BLK: variants seen among roughly 807,000 people sequenced by gnomAD.
BLK encodes the protein tyrosine-protein kinase Blk.
In BLK, 64 loss-of-function variants were observed where a neutral mutation model predicts 61.8. That is an observed-to-expected ratio of 1.03 (90% confidence interval 0.85 to 1.27). The LOEUF (loss-of-function observed/expected upper bound fraction) is 1.27, where lower values mean the gene tolerates loss of function less well. BLK is among the 50% of genes most tolerant of loss of function. The pLI is 0.00. For synonymous variants in BLK, 351 were observed against 272.0 expected (o/e 1.29, Z -2.86); for missense variants, 853 against 660.5 (o/e 1.29, Z -3.19).
intron 1 of BLK, among the ~76,000 whole-genome samples, chr8:11,526,270 G>A (rs911027911): frequency 6.6e-6 from 1 of 152,128 alleles, no homozygotes; most frequent in African/African-American, 2.4e-5. Context: ...CCTAGTGATT[G>A]GCTTTATGAC....
At position 11,557,993 on chromosome 8, in the gene BLK, A is replaced by C. The variant is rs372577820; in HGVS notation, c.984A>C (p.Glu328Asp). Reference sequence around the variant, plus strand: ...TGCTGGATTTCCTGAAGACAGATGAAGGGAGCAGATTGTCACTCCCAAGGC... The same window carrying C: ...TGCTGGATTTCCTGAAGACAGATGACGGGAGCAGATTGTCACTCCCAAGGC... ...GCLLDFLKTD[E>D]GSRLSLPRLI... The change falls in exon 10 of 13, where the codon GAA becomes GAC. Residue 328 changes from glutamate to aspartate, a missense_variant. By Grantham distance (45) the Glu-to-Asp change is conservative (BLOSUM62 2). Coordinates refer to ENST00000259089, the MANE Select transcript of BLK (RefSeq NM_001715.3). 1.2e-6 allele frequency: 2 copies of C among 1,613,942 alleles called. No individual in the cohort carries two copies. The highest frequency in any genetic ancestry group is 2.7e-5 in the African/African-American group (2 of 74,920).
intron 1 of BLK, among the ~76,000 whole-genome samples, chr8:11,526,946 T>C (rs1799679396): frequency 6.6e-6 from 1 of 152,218 alleles, no homozygotes; most frequent in South Asian, 2.1e-4. Context: ...TTCCCAAATA[T>C]CAAGGTTTTA....
At chr8:11,530,052 A>C (rs895136094) in intron 1 of BLK, among the ~76,000 whole-genome samples, 3 of 152,254 alleles carry the variant, frequency 2.0e-5, no homozygotes, top group Non-Finnish European at 4.4e-5. Flanking sequence ...TACTAAAGAC[A>C]AGACCAATTT....
intron 6 of BLK, among the ~76,000 whole-genome samples, chr8:11,551,724 G>A (rs1373138798): frequency 2.6e-5 from 4 of 152,104 alleles, no homozygotes; most frequent in Admixed American, 6.6e-5. Context: ...GTGTTGCACC[G>A]AACCCTATTA....
intron 1 of BLK, among the ~76,000 whole-genome samples, chr8:11,523,163 G>A (rs1245493344): frequency 2.0e-5 from 3 of 152,086 alleles, no homozygotes; most frequent in Non-Finnish European, 4.4e-5. Context: ...AAGTGTGAAC[G>A]ACACAGGAAA....
At chr8:11,526,417 G>A (rs1799652927) in intron 1 of BLK, among the ~76,000 whole-genome samples, 1 of 152,012 alleles carries the variant, frequency 6.6e-6, no homozygotes, top group South Asian at 2.1e-4. Context: ...ACATATTAAG[G>A]CTTATCATAT....
At chr8:11,540,670 A>G (rs1487036820) in intron 1 of BLK, among the ~76,000 whole-genome samples, 2 of 152,224 alleles carry the variant, frequency 1.3e-5, no homozygotes, top group African/African-American at 2.4e-5. Context: ...TATAAACCAT[A>G]TAAATCATCA....
At chr8:11,520,381 G>A (rs950954850) in intron 1 of BLK, among the ~76,000 whole-genome samples, 3 of 150,396 alleles carry the variant, frequency 2.0e-5, no homozygotes, top group African/African-American at 4.9e-5. Flanking sequence ...GGAGGTTGAG[G>A]TGGGAGGATC....
At chr8:11,502,886 T>G (rs1798620356) in intron 1 of BLK, among the ~76,000 whole-genome samples, 1 of 152,154 alleles carries the variant, frequency 6.6e-6, no homozygotes, top group Non-Finnish European at 1.5e-5. Context: ...GGTGGGCCTG[T>G]GGGCCTGGAT....
chr8:11,529,639 G>C (rs758894372), intron 1 of BLK, among the ~76,000 whole-genome samples: 7 of 152,140 alleles, frequency 4.6e-5, no homozygotes, highest in Admixed American at 2.6e-4. Flanking sequence ...TCCTACAAAG[G>C]CATCTAGTTC....
At chr8:11,516,332 G>T (rs12548072) in intron 1 of BLK, among the ~76,000 whole-genome samples, 1 of 152,154 alleles carries the variant, frequency 6.6e-6, no homozygotes, top group African/African-American at 2.4e-5. Context: ...AGACCACACC[G>T]CACAGTGGAG....
At chr8:11,551,227 G>A (rs986541577) in intron 6 of BLK, among the ~76,000 whole-genome samples, 1 of 152,206 alleles carries the variant, frequency 6.6e-6, no homozygotes, top group East Asian at 1.9e-4. Context: ...AAGTGGCACA[G>A]ACTGGGTGGC....
At position 11,558,282 on chromosome 8, in the gene BLK, G is replaced by A. The variant is rs569100167; in HGVS notation, c.1029+244G>A. Among the ~76,000 whole-genome samples the A allele has an allele frequency of 2.0e-5, 3 of 152,334 alleles. No individual in the cohort carries two copies. The East Asian group carries it at 5.8e-4, about 29-fold the overall frequency. ...CCCAGGGAATGGAGCCTTAGACCCG[G>A]GCTGCTGTGTTGGAATGAGGCTATT... On this transcript the variant is annotated intron_variant, in intron 10 of 12. Coordinates refer to ENST00000259089, the MANE Select transcript of BLK (RefSeq NM_001715.3).
At chr8:11,504,593 C>T (rs567794201) in intron 1 of BLK, among the ~76,000 whole-genome samples, 6 of 152,246 alleles carry the variant, frequency 3.9e-5, no homozygotes, top group African/African-American at 9.6e-5. Context: ...TATCAGTCTT[C>T]GTAGCTAAAT....
intron 1 of BLK, among the ~76,000 whole-genome samples, chr8:11,542,216 A>G (rs12543025): frequency 6.6e-6 from 1 of 152,232 alleles, no homozygotes. Flanking sequence ...AAATGCTGCT[A>G]CTAGTTATAC....
intron 1 of BLK, among the ~76,000 whole-genome samples, chr8:11,539,281 T>C (rs564343131): frequency 2.6e-5 from 4 of 152,326 alleles, no homozygotes; most frequent in Admixed American, 2.0e-4. Context: ...TCTTTGGGTC[T>C]TACTTTTCTC....
chr8:11,554,287 G>A (rs546093304), intron 6 of BLK: 14 of 231,878 alleles, frequency 6.0e-5, no homozygotes, highest in Admixed American at 5.1e-4. Flanking sequence ...TACGGTGTCC[G>A]CCATGGACAT....
intron 1 of BLK, among the ~76,000 whole-genome samples, chr8:11,498,005 A>C (rs1432117104): frequency 1.3e-5 from 2 of 152,226 alleles, no homozygotes; most frequent in Admixed American, 1.3e-4. Flanking sequence ...GACATAGACG[A>C]GGCTCCTCCT....
Position 11,557,948 on chromosome 8 carries a change from T to C in BLK, c.953-14T>C. 6.2e-7 allele frequency: 1 copy of C among 1,613,514 alleles called. No individual in the cohort carries two copies. Among genetic ancestry groups the C allele is most frequent in the Non-Finnish European group, 8.5e-7 (1 of 1,179,600 alleles). On this transcript the variant is annotated splice_polypyrimidine_tract_variant and intron_variant, in intron 9 of 12. Transcript: ENST00000259089. ...CACTTTGCAGAAGGGCACTTGCAAC[T>C]TCTCTTTTCTTAGGATGCCTGCTGG...
Sources: gnomAD v4.1 joint callset for allele counts (sites outside exome capture counted in the v4.1 genomes callset) on GRCh38, gnomAD v4.1.1 for gene constraint, MANE v1.5 for transcripts, NCBI Gene and HGNC (gene_info 2026-07-23, HGNC 2026-07-21) for gene names.